The following ESPNL variants were observed in gnomAD, a reference collection of about 807,000 sequenced individuals.
ESPNL encodes the protein espin-like protein.
In ESPNL, 49 loss-of-function variants were observed where a neutral mutation model predicts 46.8. The ratio of observed to expected loss-of-function variants is 1.05; its 90% CI spans 0.83 to 1.33. ESPNL has a LOEUF of 1.33. Among genes scored for constraint, ESPNL ranks in the 40% most tolerant of loss-of-function variants. The probability of loss-of-function intolerance (pLI) is 0.00; values close to 1 mark genes in which losing one functional copy is unlikely to be tolerated. For synonymous variants in ESPNL, 664 were observed against 662.1 expected, an observed-to-expected ratio of 1.00 and a Z score of -0.04; for missense variants, 1,540 against 1,436.6, an observed-to-expected ratio of 1.07 and a Z score of -1.16.
At chr2:238,125,591 T>TA (rs376632973) in intron 6 of ESPNL, among the ~76,000 whole-genome samples, 110 of 152,360 alleles carry the variant, frequency 7.2e-4, no homozygotes, top group African/African-American at 2.5e-3. Context: ...GGTGGGCACT[T>TA]ACAGCTACAG....
chr2:238,118,727 A>G (rs1445192048), intron 5 of ESPNL, among the ~76,000 whole-genome samples: 1 of 104,962 alleles, frequency 9.5e-6, no homozygotes, highest in African/African-American at 3.9e-5. Context: ...GGAGGAATGG[A>G]TGGAGGAGGG....
intron 6 of ESPNL, 158 bp from the exon 7 acceptor site, chr2:238,127,464 G>A (rs1410183926): frequency 2.7e-6 from 3 of 1,128,234 alleles, no homozygotes; most frequent in South Asian, 1.8e-5. Flanking sequence ...GTCCAGTGGG[G>A]CCCCCGAGGT....
In ESPNL at chr2:238,132,826, G is replaced by A. The variant is rs1692373302; in HGVS notation, c.*1094G>A. The A allele has an allele frequency of 6.6e-6, 1 of 152,346 alleles. No homozygotes were observed. The highest frequency in any genetic ancestry group is 1.5e-5 in the Non-Finnish European group (1 of 68,116). The allele number at this position is 152,346 out of a possible 1,614,324, so 9.4% of individuals were successfully genotyped here. ...TGGGCCCAAGCCCACAGGGACTTTGGAGGTGGGGCTCTGCAGCTGTGAGAT... is the reference window on the plus strand; with the variant it reads ...TGGGCCCAAGCCCACAGGGACTTTGAAGGTGGGGCTCTGCAGCTGTGAGAT... On this transcript the variant is annotated 3_prime_UTR_variant, in exon 9 of 9. Transcript: ENST00000343063.
chr2:238,129,598 G>A (rs1321225673), intron 8 of ESPNL, among the ~76,000 whole-genome samples: 1 of 152,184 alleles, frequency 6.6e-6, no homozygotes, highest in Non-Finnish European at 1.5e-5. Flanking sequence ...ATTTTAACAG[G>A]CTCCCCGGGC....
At chr2:238,106,498 G>T (rs370697482) in intron 3 of ESPNL, among the ~76,000 whole-genome samples, 1 of 152,260 alleles carries the variant, frequency 6.6e-6, no homozygotes, top group East Asian at 1.9e-4. Flanking sequence ...CTGCAAGTGC[G>T]CCCCTCCCCA....
intron 5 of ESPNL, among the ~76,000 whole-genome samples, chr2:238,120,952 C>T (rs879491570): frequency 8.5e-5 from 13 of 152,238 alleles, no homozygotes; most frequent in African/African-American, 2.4e-4. Context: ...CCAGGGGACT[C>T]GTGCATTCCA....
At chr2:238,128,980 G>T in intron 8 of ESPNL, 76 bp downstream of exon 8, 2 of 1,485,244 alleles carry the variant, frequency 1.3e-6, no homozygotes, top group Non-Finnish European at 1.8e-6. Flanking sequence ...AAGTCAGGGC[G>T]CCCGAAGCCC....
In ESPNL at chr2:238,127,691, C is replaced by T. The variant is rs748648085; in HGVS notation, c.1172C>T (p.Pro391Leu). The change falls in exon 7 of 9, where the codon CCG becomes CTG. Residue 391 changes from proline (P) to leucine (L), a missense_variant. By Grantham distance (98) the Pro-to-Leu change is moderately conservative (BLOSUM62 -3). Coordinates refer to ENST00000343063, the MANE Select transcript of ESPNL (RefSeq NM_194312.4). Reference protein sequence around the residue: ...QPLPREQMTSPAPPRIITSAT... With the variant: ...QPLPREQMTSLAPPRIITSAT... ...CTTCCCAGGGAGCAGATGACCAGCC[C>T]GGCCCCTCCGAGGATCATCACCAGT... 9.9e-6 allele frequency: 16 copies of T among 1,612,408 alleles called. No homozygotes were observed. Among genetic ancestry groups the T allele is most frequent in the East Asian group, 2.2e-5 (1 of 44,866 alleles).
At chr2:238,123,532 C>T (rs1235338795) in intron 5 of ESPNL, among the ~76,000 whole-genome samples, 2 of 152,174 alleles carry the variant, frequency 1.3e-5, no homozygotes, top group South Asian at 4.1e-4. Context: ...CCAGAGCATC[C>T]CCTCCCCGGC....
At chr2:238,127,775 T>C (rs12692214) in intron 7 of ESPNL, 41 bp downstream of exon 7, 1,284,923 of 1,517,276 alleles carry the variant, frequency 0.85, 544,259 homozygotes, top group African/African-American at 0.88. Flanking sequence ...CCGGGGCCCC[T>C]AGCCAGCCTC....
intron 7 of ESPNL, 66 bp downstream of exon 7, chr2:238,127,800 T>G: frequency 7.8e-7 from 1 of 1,285,094 alleles, no homozygotes; most frequent in Non-Finnish European, 1.1e-6. Context: ...CCCATCCTCT[T>G]AGGGGCCCAG....
chr2:238,108,578 C>T (rs1302552809), intron 4 of ESPNL, among the ~76,000 whole-genome samples: 2 of 152,194 alleles, frequency 1.3e-5, no homozygotes, highest in African/African-American at 2.4e-5. Context: ...TCCCCAGCCC[C>T]ATCCGGTCCT....
In ESPNL at chr2:238,131,670, A is replaced by G. The variant is rs1692344585; in HGVS notation, c.2956A>G (p.Ile986Val). Residue 986 changes from isoleucine (I) to valine (V), a missense_variant, in exon 9 of 9, where the codon ATC (isoleucine) becomes GTC (valine). Ile to Val is a conservative substitution (Grantham distance 29). Coordinates refer to ENST00000343063, the MANE Select transcript of ESPNL (RefSeq NM_194312.4). ...SFNGEDICGY[I>V]NRSFAFWKEK... ...CAACGGTGAGGACATCTGCGGCTAC[A>G]TCAACCGCAGCTTTGCCTTCTGGAA... 2 of 1,601,624 alleles carry G rather than the reference A, an allele frequency of 1.2e-6. No individual in the cohort carries two copies. Among genetic ancestry groups the G allele is most frequent in the Non-Finnish European group, 8.5e-7 (1 of 1,170,688 alleles).
In ESPNL at chr2:238,131,100, C is replaced by T. The variant is rs1382544793; in HGVS notation, c.2386C>T (p.His796Tyr). ...GCCCAGCGAGGGCCCCCGGCTGGGCCACCTGTGGCAGCAGCGCAGCACCAT... is the reference window on the plus strand; with the variant it reads ...GCCCAGCGAGGGCCCCCGGCTGGGCTACCTGTGGCAGCAGCGCAGCACCAT... The part of the protein sequence containing the change: ...SPPSEGPRLG[H>Y]LWQQRSTITH... Residue 796 changes from histidine (H) to tyrosine (Y), a missense_variant, in exon 9 of 9, where the codon CAC becomes TAC. By Grantham distance (83) the His-to-Tyr change is moderately conservative (BLOSUM62 2). Coordinates refer to ENST00000343063, the MANE Select transcript of ESPNL (RefSeq NM_194312.4). The T allele has an allele frequency of 6.5e-7, 1 of 1,543,218 alleles. No homozygotes were observed. Among genetic ancestry groups the T allele is most frequent in the Non-Finnish European group, 8.7e-7 (1 of 1,145,828 alleles).
intron 5 of ESPNL, among the ~76,000 whole-genome samples, chr2:238,120,864 TG>T (rs1030015951): frequency 1.2e-4 from 19 of 152,228 alleles, no homozygotes; most frequent in Admixed American, 5.2e-4. Context: ...CTGCTCACAC[TG>T]GCCGCCTCCG....
At chr2:238,116,813 A>G (rs1691826213) in intron 4 of ESPNL, 90 bp from the exon 5 acceptor site, 12 of 1,494,798 alleles carry the variant, frequency 8.0e-6, no homozygotes, top group Admixed American at 1.9e-5. Context: ...AGCCTGCGCC[A>G]TGGGGCAGGG....
Position 238,131,629 on chromosome 2 carries a change from C to A in ESPNL, c.2915C>A (p.Ser972Tyr). The A allele has an allele frequency of 6.2e-7, 1 of 1,611,108 alleles. No homozygotes were observed. Among genetic ancestry groups the A allele is most frequent in the South Asian group, 1.1e-5 (1 of 91,036 alleles). The change falls in exon 9 of 9, where the codon TCC becomes TAC. Residue 972 changes from serine to tyrosine, a missense_variant. Coordinates refer to ENST00000343063, the MANE Select transcript of ESPNL (RefSeq NM_194312.4). ...EPTAQRLGSR[S>Y]QQGSFNGEDI... is the part of the protein sequence containing the mutation. Reference sequence around the variant, plus strand: ...ACAGCACAGCGGCTGGGGTCCCGCTCCCAGCAGGGCAGCTTCAACGGTGAG... The same window carrying A: ...ACAGCACAGCGGCTGGGGTCCCGCTACCAGCAGGGCAGCTTCAACGGTGAG...
rs1490515229 is a variant in ESPNL at position 238,125,275 on chromosome 2, C to T, written c.993C>T (p.Pro331=). 12 of 1,504,712 alleles carry T rather than the reference C, an allele frequency of 8.0e-6. No individual in the cohort carries two copies. The highest frequency in any genetic ancestry group is 2.2e-5 in the Admixed American group (1 of 46,292). 93.2% of individuals were successfully genotyped at this position (1,504,712 alleles called of 1,614,324 possible). A position where few individuals can be genotyped will look rare whatever the true frequency, so the allele number is the denominator to read the frequency against. The change falls in exon 6 of 9, where the codon CCC becomes CCT. Residue 331 remains proline, a synonymous_variant. Coordinates refer to ENST00000343063, the MANE Select transcript of ESPNL (RefSeq NM_194312.4). Reference sequence around the variant, plus strand: ...CCAGGCCCATTCACCCACAGGTGCCCCTGCTGATGACGCCCCCACCACCAC... The same window carrying T: ...CCAGGCCCATTCACCCACAGGTGCCTCTGCTGATGACGCCCCCACCACCAC... ...QYLREVAQPV[P]LLMTPPPPPF... is the part of the protein sequence containing the mutation.
At position 238,118,333 on chromosome 2, in the gene ESPNL, G is replaced by GTGGATGGAGGAGGAA. The variant is rs1194156641; in HGVS notation, c.987+1328_987+1342dup. Reference sequence around the variant, plus strand: ...AGATGGAGGAGGGTGGGTGGAGAAGGTGGATGGAGGAGGAATGGATGGAGG... The same window carrying GTGGATGGAGGAGGAA: ...AGATGGAGGAGGGTGGGTGGAGAAGGTGGATGGAGGAGGAATGGATGGAGGAGGAATGGATGGAGG... On this transcript the variant is annotated intron_variant, in intron 5 of 8. Transcript: ENST00000343063. 1.9e-3 allele frequency among the ~76,000 whole-genome samples: 247 copies of GTGGATGGAGGAGGAA among 133,430 alleles called. 4 individuals carry two copies. The highest frequency in any genetic ancestry group is 4.2e-3 in the Middle Eastern group (1 of 240). The allele number at this position is 133,430 out of a possible 152,430, so 87.5% of individuals were successfully genotyped here. A position where few individuals can be genotyped will look rare whatever the true frequency, so the allele number is the denominator to read the frequency against.
Sources: gnomAD v4.1 joint callset for allele counts (sites outside exome capture counted in the v4.1 genomes callset) on GRCh38, gnomAD v4.1.1 for gene constraint, MANE v1.5 for transcripts, NCBI Gene and HGNC (gene_info 2026-07-23, HGNC 2026-07-21) for gene names.